The following UBTD2 variants were observed in gnomAD, a reference collection of about 807,000 sequenced individuals.
The protein encoded by UBTD2 is ubiquitin domain containing 2.
In UBTD2, 9 loss-of-function variants were observed where a neutral mutation model predicts 19.8. The observed-to-expected ratio is 0.46, with a 90% confidence interval of 0.27 to 0.79. The LOEUF is 0.79. UBTD2 is among the 30% of genes least tolerant of loss of function. UBTD2 has a pLI of 0.14. For synonymous variants in UBTD2, 98 were observed against 103.9 expected (o/e 0.94, Z 0.35); for missense variants, 250 against 300.4 (o/e 0.83, Z 1.24).
At chr5:172,217,125 G>C (rs1411214395) in intron 2 of UBTD2, among the ~76,000 whole-genome samples, 1 of 151,958 alleles carries the variant, frequency 6.6e-6, no homozygotes, top group Admixed American at 6.6e-5. Context: ...CAAAACTGAA[G>C]GAGAGGCAGG....
At chr5:172,267,996 G>A (rs757667746) in intron 1 of UBTD2, among the ~76,000 whole-genome samples, 1 of 152,124 alleles carries the variant, frequency 6.6e-6, no homozygotes, top group Non-Finnish European at 1.5e-5. Context: ...ACTAAGAAAG[G>A]CTTCTATTAA....
At chr5:172,234,045 ACT>A in intron 2 of UBTD2, 75 bp downstream of exon 2, 1 of 1,446,000 alleles carries the variant, frequency 6.9e-7, no homozygotes, top group Non-Finnish European at 9.7e-7. Context: ...AAGGAAAAAC[ACT>A]CTCCCATTTG....
chr5:172,210,001 C>T lies in UBTD2; in HGVS notation c.*1829G>A, dbSNP rs551388301. On this transcript the variant is annotated 3_prime_UTR_variant, in exon 3 of 3. Coordinates refer to ENST00000393792, the MANE Select transcript of UBTD2 (RefSeq NM_152277.3). ...AAGTGCTGCTATTCGATGTGGCACACAAATGAACAAAAACTTTGATGACAG... is the reference window on the plus strand; with the variant it reads ...AAGTGCTGCTATTCGATGTGGCACATAAATGAACAAAAACTTTGATGACAG... The T allele has an allele frequency of 1.3e-5, 2 of 152,078 alleles. No individual in the cohort carries two copies. The highest frequency in any genetic ancestry group is 4.1e-4 in the South Asian group (2 of 4,826). 9.4% of individuals were successfully genotyped at this position (152,078 alleles called of 1,614,324 possible).
intron 1 of UBTD2, among the ~76,000 whole-genome samples, chr5:172,265,200 C>T (rs1755351534): frequency 6.6e-6 from 1 of 152,230 alleles, no homozygotes; most frequent in Non-Finnish European, 1.5e-5. Context: ...TGCCTCCTTT[C>T]ACCAGGCAAA....
At chr5:172,270,467 C>T (rs1187325953) in intron 1 of UBTD2, among the ~76,000 whole-genome samples, 16 of 150,812 alleles carry the variant, frequency 1.1e-4, no homozygotes, top group East Asian at 3.9e-4. Flanking sequence ...GCAATTCCCC[C>T]GCCTCAGCCT....
intron 1 of UBTD2, among the ~76,000 whole-genome samples, chr5:172,270,421 G>C (rs1755463428): frequency 7.1e-6 from 1 of 140,784 alleles, no homozygotes; most frequent in Non-Finnish European, 1.5e-5. Flanking sequence ...GCAATGGTGC[G>C]ATCTCGGCTC....
At chr5:172,272,974 G>C (rs776267592) in intron 1 of UBTD2, among the ~76,000 whole-genome samples, 79 of 152,190 alleles carry the variant, frequency 5.2e-4, no homozygotes, top group Non-Finnish European at 7.2e-4. Flanking sequence ...CTACTCGGGA[G>C]GCTGAGGCAG....
intron 1 of UBTD2, among the ~76,000 whole-genome samples, chr5:172,260,533 CA>C (rs780532263): frequency 7.9e-5 from 12 of 152,164 alleles, no homozygotes; most frequent in Admixed American, 2.6e-4. Flanking sequence ...TTTTAGTCAG[CA>C]AATTTAGTAT....
chr5:172,235,253 T>C (rs1018334916), intron 1 of UBTD2, among the ~76,000 whole-genome samples: 85 of 152,024 alleles, frequency 5.6e-4, no homozygotes, highest in African/African-American at 1.8e-3. Flanking sequence ...CTTGGACACA[T>C]GAAACCAGGA....
chr5:172,265,392 T>G (rs1755356828), intron 1 of UBTD2, among the ~76,000 whole-genome samples: 1 of 152,198 alleles, frequency 6.6e-6, no homozygotes, highest in African/African-American at 2.4e-5. Context: ...TGGAGTGCAG[T>G]GGCACGATCT....
At chr5:172,212,723 G>A (rs181852691) in intron 2 of UBTD2, among the ~76,000 whole-genome samples, 2 of 151,724 alleles carry the variant, frequency 1.3e-5, no homozygotes, top group Admixed American at 6.6e-5. Flanking sequence ...GGAGTGCAGC[G>A]GCACCATCTC....
At chr5:172,246,629 A>T (rs1754888769) in intron 1 of UBTD2, among the ~76,000 whole-genome samples, 1 of 151,558 alleles carries the variant, frequency 6.6e-6, no homozygotes, top group Admixed American at 6.6e-5. Context: ...TTTTTGGTAG[A>T]GACAGGGTTT....
At chr5:172,229,268 AG>A (rs1210069993) in intron 2 of UBTD2, among the ~76,000 whole-genome samples, 3 of 152,110 alleles carry the variant, frequency 2.0e-5, no homozygotes. Flanking sequence ...TGGGAGGCCG[AG>A]GCGGGTGGAT....
intron 1 of UBTD2, among the ~76,000 whole-genome samples, chr5:172,237,481 C>G (rs1251576140): frequency 2.0e-5 from 3 of 152,244 alleles, no homozygotes; most frequent in East Asian, 3.9e-4. Context: ...CTATTTCTGC[C>G]TGTATTATAA....
intron 1 of UBTD2, among the ~76,000 whole-genome samples, chr5:172,249,401 GAAAAAAAAAAAAAAAA>G (rs756803780): frequency 1.6e-5 from 1 of 63,294 alleles, no homozygotes; most frequent in Admixed American, 2.3e-4. Flanking sequence ...TCCGTCTCAT[GAAAAAAAAAAAAAAAA>G]AAAAAAAAAA....
At chr5:172,214,698 C>T (rs552458240) in intron 2 of UBTD2, among the ~76,000 whole-genome samples, 9 of 152,264 alleles carry the variant, frequency 5.9e-5, no homozygotes, top group South Asian at 4.1e-4. Flanking sequence ...CAGAAGCTCC[C>T]GTATTTCAGT....
chr5:172,223,054 G>A (rs1242266650), intron 2 of UBTD2, among the ~76,000 whole-genome samples: 1 of 152,106 alleles, frequency 6.6e-6, no homozygotes. Context: ...GAAATTCAAA[G>A]ACAACTGGCA....
At chr5:172,245,952 T>C (rs1015711866) in intron 1 of UBTD2, among the ~76,000 whole-genome samples, 1 of 152,192 alleles carries the variant, frequency 6.6e-6, no homozygotes, top group African/African-American at 2.4e-5. Context: ...GATTCTCACA[T>C]AATATTCAAA....
chr5:172,234,065 G>C, intron 2 of UBTD2, 57 bp downstream of exon 2: 1 of 1,562,932 alleles, frequency 6.4e-7, no homozygotes, highest in African/African-American at 1.4e-5. Flanking sequence ...TTGGTTTCTT[G>C]CTATCAGAAA....
Sources: gnomAD v4.1 joint callset for allele counts (sites outside exome capture counted in the v4.1 genomes callset) on GRCh38, gnomAD v4.1.1 for gene constraint, MANE v1.5 for transcripts, NCBI Gene and HGNC (gene_info 2026-07-23, HGNC 2026-07-21) for gene names.